The following LINGO1 variants were observed in gnomAD, a reference collection of about 807,000 sequenced individuals.
LINGO1 encodes leucine-rich repeat and immunoglobulin-like domain-containing nogo receptor-interacting protein 1.
In LINGO1, 11 loss-of-function variants were observed where a neutral mutation model predicts 37.3. That is an observed-to-expected ratio of 0.29 (90% confidence interval 0.19 to 0.49). The LOEUF is 0.49. Among genes scored for constraint, LINGO1 ranks in the 20% least tolerant of loss-of-function variants. The pLI is 0.99. For synonymous variants in LINGO1, 387 were observed against 403.0 expected (o/e 0.96, Z 0.48); for missense variants, 585 against 878.2 (o/e 0.67, Z 4.22).
intron 1 of LINGO1, among the ~76,000 whole-genome samples, chr15:77,810,029 C>T (rs1430591203): frequency 6.6e-6 from 1 of 152,030 alleles, no homozygotes; most frequent in African/African-American, 2.4e-5. Context: ...ACCCTCCTCC[C>T]CCAATGACCT....
At chr15:77,816,009 C>A (rs116322430) in intron 1 of LINGO1, among the ~76,000 whole-genome samples, 1 of 152,178 alleles carries the variant, frequency 6.6e-6, no homozygotes, top group African/African-American at 2.4e-5. Flanking sequence ...CCCCCACTCA[C>A]GTTCGCATTC....
chr15:77,633,201 CGAG>C (rs1318338706), upstream of LINGO1, among the ~76,000 whole-genome samples: 47 of 152,280 alleles, frequency 3.1e-4, no homozygotes, highest in African/African-American at 1.1e-3. Flanking sequence ...GGGCTCTGGG[CGAG>C]TCCCGGGCCA....
At chr15:77,765,730 G>T (rs2076521561) in intron 1 of LINGO1, among the ~76,000 whole-genome samples, 1 of 152,156 alleles carries the variant, frequency 6.6e-6, no homozygotes, top group African/African-American at 2.4e-5. Context: ...AGTTGAGTTT[G>T]TACGCTGAAT....
At chr15:77,742,340 G>C (rs1318814699) in intron 1 of LINGO1, among the ~76,000 whole-genome samples, 1 of 152,230 alleles carries the variant, frequency 6.6e-6, no homozygotes, top group Non-Finnish European at 1.5e-5. Flanking sequence ...GAGGCACAGT[G>C]AACAGAGCCT....
intron 1 of LINGO1, among the ~76,000 whole-genome samples, chr15:77,768,277 G>T (rs202029406): frequency 9.1e-5 from 1 of 10,996 alleles, no homozygotes; most frequent in Non-Finnish European, 8.5e-4. Flanking sequence ...CAGGGTCCCC[G>T]GGCAGACAGG....
chr15:77,622,663 C>T (rs578174128), intron 1 of LINGO1, among the ~76,000 whole-genome samples: 22 of 152,304 alleles, frequency 1.4e-4, no homozygotes, highest in African/African-American at 5.1e-4. Context: ...AGCGTGTTAG[C>T]GGGAACTGTG....
At chr15:77,692,337 G>T (rs574407471) in intron 1 of LINGO1, among the ~76,000 whole-genome samples, 1 of 152,184 alleles carries the variant, frequency 6.6e-6, no homozygotes, top group Non-Finnish European at 1.5e-5. Context: ...ATTCTGCAAG[G>T]TCTAGTACTG....
intron 2 of LINGO1, among the ~76,000 whole-genome samples, chr15:77,723,370 CAAG>C (rs2076070436): frequency 6.6e-6 from 1 of 152,214 alleles, no homozygotes; most frequent in Non-Finnish European, 1.5e-5. Flanking sequence ...ATCCTGCCCT[CAAG>C]AAGCTCCTAG....
rs562802428 is a variant in LINGO1, at chr15:77,615,507, T to G, written c.400A>C (p.Ile134Leu). 2 of 1,613,972 alleles carry G rather than the reference T, an allele frequency of 1.2e-6. No homozygotes were observed. Among genetic ancestry groups the G allele is most frequent in the East Asian group, 4.5e-5 (2 of 44,882 alleles). The change falls in exon 2 of 2, where the codon ATC becomes CTC. Residue 134 changes from isoleucine (I) to leucine (L), a missense_variant. Transcript: ENST00000355300. ...AGGCCAGTGAAGACGCCTAGCGGGA[T>G]GAGCTTCAGGCGGTTGCTGCGGAGA... ...LGLRSNRLKL[I>L]PLGVFTGLSN...
intron 2 of LINGO1, among the ~76,000 whole-genome samples, chr15:77,683,686 A>C (rs1051281004): frequency 2.5e-4 from 38 of 152,188 alleles, no homozygotes; most frequent in African/African-American, 8.9e-4. Flanking sequence ...AGCACAGAAA[A>C]TGTTCTGAAA....
At chr15:77,783,926 T>C (rs2076746492) in intron 1 of LINGO1, among the ~76,000 whole-genome samples, 1 of 152,228 alleles carries the variant, frequency 6.6e-6, no homozygotes, top group Non-Finnish European at 1.5e-5. Context: ...TTTATGTTCC[T>C]GGGTGCAGAC....
At chr15:77,657,329 T>C (rs55656245) in intron 3 of LINGO1, among the ~76,000 whole-genome samples, 4,476 of 146,228 alleles carry the variant, frequency 0.031, 216 homozygotes, top group African/African-American at 0.11. Context: ...GCTAGGTGGA[T>C]GAGGGGCCGG....
chr15:77,740,987 A>G (rs2076257579), intron 1 of LINGO1, among the ~76,000 whole-genome samples: 1 of 152,160 alleles, frequency 6.6e-6, no homozygotes, highest in Non-Finnish European at 1.5e-5. Flanking sequence ...GGGCTCAGGC[A>G]TTCCCAGCCC....
rs1003380609 is a variant in LINGO1, at chr15:77,814,318, C to T, written c.-458+5940G>A. 1.6e-4 allele frequency among the ~76,000 whole-genome samples: 25 copies of T among 152,344 alleles called. No homozygotes were observed. In the Middle Eastern group the frequency reaches 0.01, roughly 62 times the overall value. ...TCACTGTGTGGCTTCTGGAGACCCA[C>T]TTCCCACCGTGCCCTCAGTTTTCTC... On this transcript the variant is annotated intron_variant, in intron 1 of 5. Coordinates refer to the LINGO1 transcript ENST00000562933.
At chr15:77,694,324 C>T (rs1439516489) in intron 1 of LINGO1, among the ~76,000 whole-genome samples, 1 of 152,100 alleles carries the variant, frequency 6.6e-6, no homozygotes, top group Non-Finnish European at 1.5e-5. Flanking sequence ...GCATGATCAG[C>T]CCAGTCTAAC....
At chr15:77,689,804 C>A (rs932915050) in intron 2 of LINGO1, among the ~76,000 whole-genome samples, 1 of 152,168 alleles carries the variant, frequency 6.6e-6, no homozygotes, top group South Asian at 2.1e-4. Context: ...AACAATACAC[C>A]CTTCTAAGTT....
At chr15:77,698,450 A>G (rs1215850167), upstream of LINGO1, among the ~76,000 whole-genome samples, 1 of 152,202 alleles carries the variant, frequency 6.6e-6, no homozygotes, top group African/African-American at 2.4e-5. Context: ...CAAGTTCTAC[A>G]GGAGTGACCA....
At chr15:77,654,890 A>C (rs965952987) in intron 3 of LINGO1, among the ~76,000 whole-genome samples, 2 of 152,148 alleles carry the variant, frequency 1.3e-5, no homozygotes, top group Non-Finnish European at 2.9e-5. Flanking sequence ...TTGCTATTGG[A>C]GGCACCAGCC....
chr15:77,713,330 G>A lies in LINGO1; in HGVS notation c.-195+21662C>T, dbSNP rs564613190. 1.2e-4 allele frequency among the ~76,000 whole-genome samples: 18 copies of A among 150,848 alleles called. 1 individual carries two copies. In the East Asian group the frequency reaches 2.5e-3, roughly 21 times the overall value. On this transcript the variant is annotated intron_variant, in intron 2 of 3. Transcript: ENST00000561686. ...TGAGCTCAAGTACTCTGCCTGCCTCGGCCTCCCAAAGTGCTGGGATTACAA... is the reference window on the plus strand; with the variant it reads ...TGAGCTCAAGTACTCTGCCTGCCTCAGCCTCCCAAAGTGCTGGGATTACAA...
Sources: gnomAD v4.1 joint callset for allele counts (sites outside exome capture counted in the v4.1 genomes callset) on GRCh38, gnomAD v4.1.1 for gene constraint, MANE v1.5 for transcripts, NCBI Gene and HGNC (gene_info 2026-07-23, HGNC 2026-07-21) for gene names.